Variants in NPM1 observed in about 807,000 individuals in gnomAD.
NPM1 encodes the protein nucleophosmin.
Under a neutral mutation model 44.1 loss-of-function variants are expected in NPM1, and 1 was observed. That is an observed-to-expected ratio of 0.02 (90% CI 0.01 to 0.11). NPM1 has a LOEUF of 0.11. NPM1 is among the 10% of genes least tolerant of loss of function. The probability of loss-of-function intolerance (pLI) is 1.00; values close to 1 mark genes in which losing one functional copy is unlikely to be tolerated. For missense variants in NPM1, 197 were observed against 347.8 expected (o/e 0.57, Z 3.45); for synonymous variants, 126 against 111.8 (o/e 1.13, Z -0.80).
chr5:171,393,959 A>C (rs910611947), intron 6 of NPM1, among the ~76,000 whole-genome samples: 2 of 152,166 alleles, frequency 1.3e-5, no homozygotes, highest in African/African-American at 4.8e-5. Flanking sequence ...AAAGAAAAAT[A>C]AAAATTCAAA....
In NPM1 at chr5:171,406,696, T is replaced by G. The variant is rs913557461; in HGVS notation, c.772-1004T>G. The G allele has an allele frequency of 4.9e-6, 6 of 1,231,308 alleles. No individual in the cohort carries two copies. In the African/African-American group the frequency reaches 9.2e-5, roughly 19 times the overall value. The allele number at this position is 1,231,308 out of a possible 1,614,324, so 76.3% of individuals were successfully genotyped here. On this transcript the variant is annotated intron_variant, in intron 9 of 10. Transcript: ENST00000296930. ...TGTTTTAAATCGCCTTTGTATCTCC[T>G]TAGCTGCTCAATAAATATTTGAATG...
chr5:171,401,637 T>G (rs998763670), intron 8 of NPM1, among the ~76,000 whole-genome samples: 3 of 152,076 alleles, frequency 2.0e-5, no homozygotes, highest in Admixed American at 6.5e-5. Flanking sequence ...GGGGTTTCAC[T>G]CTATATGTTG....
chr5:171,407,529 C>T (rs1041164219), intron 9 of NPM1, 171 bp from the exon 10 acceptor site: 19 of 619,262 alleles, frequency 3.1e-5, no homozygotes, highest in Non-Finnish European at 4.8e-5. Context: ...AGCCATGCTG[C>T]CCAATAGGGC....
chr5:171,387,524 G>GT, upstream of NPM1: 10 of 211,046 alleles, frequency 4.7e-5, no homozygotes, highest in South Asian at 5.1e-4. Context: ...CAGACTCTTG[G>GT]CGGGAGGCCG....
chr5:171,403,885 G>A (rs1162763396), intron 8 of NPM1, among the ~76,000 whole-genome samples: 1 of 52,234 alleles, frequency 1.9e-5, no homozygotes, highest in African/African-American at 7.3e-5. Context: ...CCTCCCTCCC[G>A]GACGGGGCGG....
chr5:171,399,801 G>A (rs1419084468), intron 6 of NPM1, among the ~76,000 whole-genome samples: 1 of 151,896 alleles, frequency 6.6e-6, no homozygotes, highest in Non-Finnish European at 1.5e-5. Flanking sequence ...TACTCATTGA[G>A]CAACTTCATT....
Position 171,392,973 on chromosome 5 carries a change from T to A in NPM1, c.519T>A (p.Asp173Glu). 1 of 1,609,678 alleles carries A rather than the reference T, an allele frequency of 6.2e-7. No individual in the cohort carries two copies. The part of the protein sequence containing the change: ...DDDDDDEEDD[D>E]EDDDDDDFDD... ...ACGATGATGATGAAGAGGATGATGA[T>A]GAAGAGTAAGTATGATTTTAGAAAC... Residue 173 changes from aspartate (D) to glutamate (E), a missense_variant, in exon 6 of 11, where the codon GAT becomes GAA. This residue lies in a region of NPM1 where 91 missense variants were observed against 94.0 expected (regional missense o/e 0.97). Transcript: ENST00000296930.
intron 9 of NPM1, chr5:171,406,281 T>G: frequency 1.1e-6 from 1 of 918,680 alleles, no homozygotes; most frequent in Non-Finnish European, 1.8e-6. Flanking sequence ...TGTAAACCCT[T>G]TAGCCTTCCT....
chr5:171,389,246 C>T (rs764910448), intron 1 of NPM1, among the ~76,000 whole-genome samples: 10 of 152,122 alleles, frequency 6.6e-5, no homozygotes, highest in Non-Finnish European at 1.3e-4. Context: ...GTTCATTATC[C>T]GTGCTGAGAT....
intron 10 of NPM1, among the ~76,000 whole-genome samples, chr5:171,409,005 AAG>A (rs1771699574): frequency 6.6e-6 from 1 of 152,148 alleles, no homozygotes; most frequent in African/African-American, 2.4e-5. Flanking sequence ...TTTTTATAAA[AAG>A]TATTTTTGGC....
At chr5:171,399,011 C>T (rs757321497) in intron 6 of NPM1, among the ~76,000 whole-genome samples, 3 of 151,962 alleles carry the variant, frequency 2.0e-5, no homozygotes, top group African/African-American at 7.2e-5. Flanking sequence ...CCACCATGCC[C>T]GGCTAATTTT....
rs775657228 is a variant in NPM1 at position 171,387,978 on chromosome 5, C to T, written c.30C>T (p.Ser10=). The T allele has an allele frequency of 4.3e-6, 7 of 1,612,576 alleles. No homozygotes were observed. The highest frequency in any genetic ancestry group is 3.3e-5 in the Admixed American group (2 of 60,018). ...AAGATTCGATGGACATGGACATGAG[C>T]CCCCTGAGGCCCCAGAACTATCTTT... MEDSMDMDM[S]PLRPQNYLFG... Residue 10 remains serine (S), a synonymous_variant, in exon 1 of 11, where the codon AGC becomes AGT. Transcript: ENST00000296930.
intron 8 of NPM1, among the ~76,000 whole-genome samples, chr5:171,401,329 C>G (rs1489647334): frequency 6.6e-6 from 1 of 150,686 alleles, no homozygotes; most frequent in East Asian, 1.9e-4. Flanking sequence ...CCAGCTTGGG[C>G]AAAAGAGCGA....
rs536461012 is a variant in NPM1 at position 171,401,685 on chromosome 5, G to A, written c.669+760G>A. Reference sequence around the variant, plus strand: ...TCAAACCCCTGACTGCAGGTGATCCGCCCTCCTGGGCCTCTCAAAGTGTGT... The same window carrying A: ...TCAAACCCCTGACTGCAGGTGATCCACCCTCCTGGGCCTCTCAAAGTGTGT... On this transcript the variant is annotated intron_variant, in intron 8 of 10. Transcript: ENST00000296930. 3.9e-5 allele frequency among the ~76,000 whole-genome samples: 6 copies of A among 152,228 alleles called. No homozygotes were observed. In the South Asian group the frequency reaches 8.3e-4, roughly 21 times the overall value.
chr5:171,409,817 T>C (rs1479229419), intron 10 of NPM1, among the ~76,000 whole-genome samples: 1 of 62,090 alleles, frequency 1.6e-5, no homozygotes, highest in Non-Finnish European at 3.0e-5. Flanking sequence ...AGCTGTTTTT[T>C]TTGTTGGTTT....
At chr5:171,401,680 G>A (rs1367867249) in intron 8 of NPM1, among the ~76,000 whole-genome samples, 1 of 152,166 alleles carries the variant, frequency 6.6e-6, no homozygotes, top group Non-Finnish European at 1.5e-5. Flanking sequence ...GACTGCAGGT[G>A]ATCCGCCCTC....
chr5:171,402,490 A>T (rs1235222858), intron 8 of NPM1, among the ~76,000 whole-genome samples: 1 of 137,766 alleles, frequency 7.3e-6, no homozygotes, highest in Non-Finnish European at 1.6e-5. Context: ...TTGACCCAGC[A>T]ATCCCATTAC....
At chr5:171,393,023 A>C (rs1479084212) in intron 6 of NPM1, 45 bp downstream of exon 6, 2 of 1,571,438 alleles carry the variant, frequency 1.3e-6, no homozygotes, top group African/African-American at 2.7e-5. Context: ...GAATCTTGAC[A>C]AAAAAAGGAA....
At chr5:171,392,596 T>A (rs1770633718) in intron 4 of NPM1, 114 bp from the exon 5 acceptor site, 2 of 549,828 alleles carry the variant, frequency 3.6e-6, no homozygotes, top group South Asian at 8.0e-5. Context: ...CTTTTTTTTT[T>A]TTTTTTTAAA....
Sources: gnomAD v4.1 joint callset for allele counts (sites outside exome capture counted in the v4.1 genomes callset) on GRCh38, gnomAD v4.1.1 for gene constraint, gnomAD v4.1.1 regional missense constraint, MANE v1.5 for transcripts, NCBI Gene and HGNC (gene_info 2026-07-23, HGNC 2026-07-21) for gene names.